Variants in MKLN1 observed in about 807,000 individuals in gnomAD.
MKLN1 encodes muskelin.
MKLN1 carries 18 observed loss-of-function variants against 99.0 expected under a neutral mutation model. The ratio of observed to expected loss-of-function variants is 0.18; its 90% CI spans 0.13 to 0.27. The LOEUF is 0.27. MKLN1 is among the 10% of genes least tolerant of loss of function. The probability of loss-of-function intolerance (pLI) is 1.00; values close to 1 mark genes in which losing one functional copy is unlikely to be tolerated. For synonymous variants in MKLN1, 288 were observed against 293.2 expected (o/e 0.98, Z 0.18); for missense variants, 621 against 875.9 (o/e 0.71, Z 3.67).
At chr7:131,350,652 G>A (rs1799693930) in intron 1 of MKLN1, among the ~76,000 whole-genome samples, 1 of 152,188 alleles carries the variant, frequency 6.6e-6, no homozygotes, top group East Asian at 1.9e-4. Context: ...CTCTAATGTG[G>A]TGTTTTGCTT....
In MKLN1 at chr7:131,181,826, AT is replaced by A. The variant is rs1796381209; in HGVS notation, c.-296-21026del. 3.3e-5 allele frequency among the ~76,000 whole-genome samples: 5 copies of A among 152,126 alleles called. No individual in the cohort carries two copies. The South Asian group carries it at 1.0e-3, about 32-fold the overall frequency. Reference sequence around the variant, plus strand: ...AGGCGCAAGCCACCACGCCCAGCTAATTTTTGTATTTTTAGTAGAGACGAGA... The same window carrying A: ...AGGCGCAAGCCACCACGCCCAGCTAATTTTGTATTTTTAGTAGAGACGAGA... On this transcript the variant is annotated intron_variant, in intron 2 of 7. Transcript: ENST00000416992.
At chr7:131,230,909 T>C (rs1797231674) in intron 3 of MKLN1, among the ~76,000 whole-genome samples, 1 of 151,654 alleles carries the variant, frequency 6.6e-6, no homozygotes, top group Non-Finnish European at 1.5e-5. Flanking sequence ...TCACTTGAGG[T>C]CAGGAGTTCG....
intron 7 of MKLN1, among the ~76,000 whole-genome samples, chr7:131,413,194 A>G (rs1241406855): frequency 6.6e-6 from 1 of 152,208 alleles, no homozygotes; most frequent in Non-Finnish European, 1.5e-5. Flanking sequence ...CTTCAATGAT[A>G]ATAAATTGCA....
intron 3 of MKLN1, among the ~76,000 whole-genome samples, chr7:131,300,538 G>A (rs981813728): frequency 4.4e-5 from 6 of 136,952 alleles, no homozygotes; most frequent in South Asian, 2.4e-4. Context: ...AAAAAAAATC[G>A]CCAGGTGTGG....
intron 3 of MKLN1, chr7:131,310,639 G>C (rs1020124602): frequency 2.0e-5 from 3 of 152,314 alleles, no homozygotes; most frequent in South Asian, 2.1e-4. Flanking sequence ...CAAGGGACCA[G>C]GCCAGTCTTT....
intron 3 of MKLN1, among the ~76,000 whole-genome samples, chr7:131,213,878 A>T (rs528755566): frequency 4.6e-5 from 7 of 152,278 alleles, no homozygotes; most frequent in Non-Finnish European, 8.8e-5. Context: ...TGCCTAGCAA[A>T]ATATCTCCTC....
chr7:131,157,238 A>G (rs1399864347), intron 2 of MKLN1, among the ~76,000 whole-genome samples: 1 of 152,130 alleles, frequency 6.6e-6, no homozygotes, highest in Non-Finnish European at 1.5e-5. Context: ...AAAATAAAAT[A>G]AAATAAAAAT....
At chr7:131,297,414 T>C (rs1268231153) in intron 3 of MKLN1, among the ~76,000 whole-genome samples, 1 of 14,876 alleles carries the variant, frequency 6.7e-5, no homozygotes, top group African/African-American at 1.4e-4. Flanking sequence ...ACAAATACTC[T>C]GTGTGTGTGT....
intron 3 of MKLN1, among the ~76,000 whole-genome samples, chr7:131,228,515 C>T (rs1367524422): frequency 6.6e-6 from 1 of 152,228 alleles, no homozygotes; most frequent in Non-Finnish European, 1.5e-5. Flanking sequence ...CAAACCTCAG[C>T]TCTGCTGCTC....
intron 3 of MKLN1, among the ~76,000 whole-genome samples, chr7:131,311,642 T>G (rs1211122641): frequency 1.3e-5 from 2 of 152,182 alleles, no homozygotes; most frequent in African/African-American, 4.8e-5. Context: ...ATTTAAAAGT[T>G]TAAAATATTT....
intron 1 of MKLN1, 42 bp downstream of exon 1, chr7:131,328,039 C>T: frequency 1.9e-6 from 3 of 1,603,336 alleles, no homozygotes; most frequent in Non-Finnish European, 2.6e-6. Flanking sequence ...CACCCTTCCG[C>T]GTCAGCACGG....
At chr7:131,134,459 T>C (rs987001760) in intron 1 of MKLN1, among the ~76,000 whole-genome samples, 1 of 152,158 alleles carries the variant, frequency 6.6e-6, no homozygotes, top group African/African-American at 2.4e-5. Context: ...CCTGAACCTA[T>C]GCATTCAGTC....
chr7:131,300,033 G>A (rs562553821), intron 3 of MKLN1, among the ~76,000 whole-genome samples: 1 of 152,214 alleles, frequency 6.6e-6, no homozygotes, highest in East Asian at 1.9e-4. Context: ...GGGCAAACGA[G>A]AAAAGGGTTA....
chr7:131,275,567 A>ATATATTTTTTT (rs1336398554), intron 3 of MKLN1, among the ~76,000 whole-genome samples: 2 of 5,616 alleles, frequency 3.6e-4, no homozygotes, highest in African/African-American at 4.0e-4. Flanking sequence ...ATATATATAT[A>ATATATTTTTTT]TTTTTTTTTT....
intron 6 of MKLN1, among the ~76,000 whole-genome samples, chr7:131,402,791 G>A (rs1043995078): frequency 3.9e-5 from 6 of 152,028 alleles, no homozygotes; most frequent in African/African-American, 1.4e-4. Context: ...TTCTTTTTCT[G>A]AGCAGTAGGT....
chr7:131,399,941 T>C (rs1794486056), intron 6 of MKLN1, among the ~76,000 whole-genome samples: 1 of 152,178 alleles, frequency 6.6e-6, no homozygotes, highest in Admixed American at 6.5e-5. Context: ...TAGTTGAACA[T>C]CTGTATTATC....
At chr7:131,383,308 TA>T (rs1380367866) in intron 2 of MKLN1, among the ~76,000 whole-genome samples, 1 of 152,190 alleles carries the variant, frequency 6.6e-6, no homozygotes, top group Non-Finnish European at 1.5e-5. Flanking sequence ...AAGAAAGTGA[TA>T]TTGCAACTTC....
intron 8 of MKLN1, among the ~76,000 whole-genome samples, chr7:131,427,861 C>CG (rs71174946): frequency 6.6e-6 from 1 of 152,330 alleles, no homozygotes; most frequent in African/African-American, 2.4e-5. Flanking sequence ...ATTGGAAACG[C>CG]CTATTATTGC....
At chr7:131,140,119 G>C (rs541813561) in intron 1 of MKLN1, among the ~76,000 whole-genome samples, 2 of 152,232 alleles carry the variant, frequency 1.3e-5, no homozygotes, top group South Asian at 2.1e-4. Flanking sequence ...CTGCCTCCCC[G>C]GACCCTGCTC....
Sources: gnomAD v4.1 joint callset for allele counts (sites outside exome capture counted in the v4.1 genomes callset) on GRCh38, gnomAD v4.1.1 for gene constraint, MANE v1.5 for transcripts, NCBI Gene and HGNC (gene_info 2026-07-23, HGNC 2026-07-21) for gene names.